ADAM18: variants seen among roughly 807,000 people sequenced by gnomAD.
ADAM18 encodes ADAM metallopeptidase domain 18, also known as disintegrin and metalloproteinase domain-containing protein 18.
Under a neutral mutation model 94.4 loss-of-function variants are expected in ADAM18, and 117 were observed. That is an observed-to-expected ratio of 1.24 (90% CI 1.07 to 1.45). The LOEUF (loss-of-function observed/expected upper bound fraction) is 1.45, where lower values mean the gene tolerates loss of function less well. ADAM18 is among the 40% of genes most tolerant of loss of function. ADAM18 has a pLI of 0.00. For synonymous variants in ADAM18, 327 were observed against 291.6 expected, an observed-to-expected ratio of 1.12 and a Z score of -1.24; for missense variants, 936 against 880.0, an observed-to-expected ratio of 1.06 and a Z score of -0.81.
At chr8:39,585,482 C>G (rs1818370681) in intron 2 of ADAM18, 130 bp downstream of exon 2, 2 of 669,924 alleles carry the variant, frequency 3.0e-6, no homozygotes, top group Non-Finnish European at 5.0e-6. Flanking sequence ...GCTATTTTGT[C>G]TCCTACCGTG....
Position 39,657,005 on chromosome 8 carries a change from C to T in ADAM18, c.1231-6790C>T, listed in dbSNP as rs142745374. Among the ~76,000 whole-genome samples the T allele has an allele frequency of 3.8e-3, 584 of 152,142 alleles. 3 individuals carry two copies. Among genetic ancestry groups the T allele is most frequent in the African/African-American group, 0.013 (543 of 41,484 alleles). On this transcript the variant is annotated intron_variant, in intron 12 of 19. Transcript: ENST00000265707. The stretch of plus-strand genomic sequence containing the variant: ...GTTGAACACATACATAAATGTGATC[C>T]AGAATTTCAGTCTCAGGTATATATA...
At chr8:39,722,215 GTGTATATATATATATATATATA>G (rs1426846001) in intron 18 of ADAM18, among the ~76,000 whole-genome samples, 1,179 of 68,020 alleles carry the variant, frequency 0.017, 11 homozygotes, top group Middle Eastern at 0.056. Context: ...GTGTGTGTGT[GTGTATATATATATATATATATA>G]TATATATATA....
chr8:39,615,312 A>G (rs1265199754), intron 6 of ADAM18, among the ~76,000 whole-genome samples: 1 of 152,128 alleles, frequency 6.6e-6, no homozygotes, highest in Non-Finnish European at 1.5e-5. Context: ...TCTAAAAACC[A>G]TACAATTACA....
At chr8:39,657,490 A>G (rs187497963) in intron 12 of ADAM18, among the ~76,000 whole-genome samples, 5 of 151,904 alleles carry the variant, frequency 3.3e-5, no homozygotes, top group South Asian at 4.2e-4. Flanking sequence ...TTTTTCTTTT[A>G]TTTTTGGTAC....
chr8:39,610,039 C>T (rs1310199078), intron 5 of ADAM18, among the ~76,000 whole-genome samples: 1 of 151,968 alleles, frequency 6.6e-6, no homozygotes, highest in African/African-American at 2.4e-5. Flanking sequence ...AAAAAGGATC[C>T]GGAGCAGAGA....
chr8:39,687,843 G>T (rs191360415), intron 16 of ADAM18, among the ~76,000 whole-genome samples: 1 of 152,012 alleles, frequency 6.6e-6, no homozygotes, highest in Admixed American at 6.6e-5. Context: ...TGGTGTGTGC[G>T]CACCCTGTTT....
chr8:39,664,040 A>T, intron 13 of ADAM18, 150 bp downstream of exon 13: 1 of 597,326 alleles, frequency 1.7e-6, no homozygotes. Context: ...TTTAAAGGAA[A>T]ATTGCTATAA....
At chr8:39,641,490 A>G (rs1820233988) in intron 10 of ADAM18, among the ~76,000 whole-genome samples, 1 of 150,516 alleles carries the variant, frequency 6.6e-6, no homozygotes, top group Non-Finnish European at 1.5e-5. Context: ...CCCTCCTCCT[A>G]CCCTCCATCC....
chr8:39,606,260 A>T, intron 2 of ADAM18, 47 bp from the exon 3 acceptor site: 2 of 1,047,228 alleles, frequency 1.9e-6, no homozygotes, highest in Non-Finnish European at 2.8e-6. Context: ...TTTATTTTAT[A>T]TATTTCTGGT....
chr8:39,623,897 G>A (rs1441979375), intron 6 of ADAM18, among the ~76,000 whole-genome samples: 1 of 152,034 alleles, frequency 6.6e-6, no homozygotes, highest in Non-Finnish European at 1.5e-5. Flanking sequence ...TTGCATTTCC[G>A]TGTTGATTAG....
intron 18 of ADAM18, among the ~76,000 whole-genome samples, chr8:39,718,150 C>G (rs191925351): frequency 2.6e-5 from 4 of 151,556 alleles, no homozygotes; most frequent in African/African-American, 9.6e-5. Context: ...TTATGAAAAA[C>G]AGTATGGAGG....
At chr8:39,587,027 A>G (rs1818423406) in intron 2 of ADAM18, among the ~76,000 whole-genome samples, 1 of 152,138 alleles carries the variant, frequency 6.6e-6, no homozygotes, top group African/African-American at 2.4e-5. Flanking sequence ...GCTATATTTT[A>G]TTGTATAGGG....
chr8:39,589,325 C>T (rs1818501476), intron 2 of ADAM18, among the ~76,000 whole-genome samples: 1 of 152,032 alleles, frequency 6.6e-6, no homozygotes, highest in African/African-American at 2.4e-5. Flanking sequence ...TAGCCAGAAG[C>T]AAGCATTGGA....
At chr8:39,686,779 G>A (rs1381801160) in intron 16 of ADAM18, among the ~76,000 whole-genome samples, 2 of 152,166 alleles carry the variant, frequency 1.3e-5, no homozygotes, top group Non-Finnish European at 2.9e-5. Flanking sequence ...TTTAAGAAAT[G>A]CGTAGGAATC....
intron 18 of ADAM18, among the ~76,000 whole-genome samples, chr8:39,712,954 G>A (rs530432761): frequency 6.6e-6 from 1 of 152,146 alleles, no homozygotes. Context: ...AATTTCATAT[G>A]GAACCAAAAA....
chr8:39,584,983 G>C (rs779427206), intron 1 of ADAM18, among the ~76,000 whole-genome samples: 5 of 152,034 alleles, frequency 3.3e-5, no homozygotes, highest in Admixed American at 2.6e-4. Context: ...TGCCTTCAGC[G>C]AACTCCTCAG....
At chr8:39,627,610 T>G (rs1176425157) in intron 6 of ADAM18, among the ~76,000 whole-genome samples, 1 of 152,126 alleles carries the variant, frequency 6.6e-6, no homozygotes, top group African/African-American at 2.4e-5. Flanking sequence ...AATCTTTACA[T>G]GTTAGGTGAG....
chr8:39,648,563 T>G, intron 12 of ADAM18, 36 bp downstream of exon 12: 1 of 1,553,964 alleles, frequency 6.4e-7, no homozygotes, highest in Non-Finnish European at 8.7e-7. Flanking sequence ...GCACAATTTT[T>G]ATGTTTCTGA....
Position 39,644,152 on chromosome 8 carries a change from C to T in ADAM18, c.910-1186C>T, listed in dbSNP as rs560886048. 2.6e-5 allele frequency among the ~76,000 whole-genome samples: 4 copies of T among 152,034 alleles called. No individual in the cohort carries two copies. The South Asian group carries it at 8.3e-4, about 32-fold the overall frequency. Reference sequence around the variant, plus strand: ...ATGATAGAGAAAAATTAGACATGTTCTCAGATTTTTGTTTGTAATGATTAA... The same window carrying T: ...ATGATAGAGAAAAATTAGACATGTTTTCAGATTTTTGTTTGTAATGATTAA... On this transcript the variant is annotated intron_variant, in intron 10 of 19. Transcript: ENST00000265707.
Sources: gnomAD v4.1 joint callset for allele counts (sites outside exome capture counted in the v4.1 genomes callset) on GRCh38, gnomAD v4.1.1 for gene constraint, MANE v1.5 for transcripts, NCBI Gene and HGNC (gene_info 2026-07-23, HGNC 2026-07-21) for gene names.